S100A2: variants seen among roughly 807,000 people sequenced by gnomAD.
The protein encoded by S100A2 is protein S100-A2.
A neutral mutation model predicts 4.3 loss-of-function variants in S100A2; 5 were observed. The observed-to-expected ratio is 1.16, with a 90% CI of 0.61 to 2.44. The LOEUF is 2.44. S100A2 is among the 30% of genes most tolerant of loss of function. The probability of loss-of-function intolerance (pLI) is 0.01; values close to 1 mark genes in which losing one functional copy is unlikely to be tolerated. For synonymous variants in S100A2, 44 were observed against 46.0 expected (o/e 0.96, Z 0.17); for missense variants, 103 against 114.7 (o/e 0.90, Z 0.47).
At chr1:153,564,753 C>T (rs1417993260) in intron 1 of S100A2, among the ~76,000 whole-genome samples, 1 of 145,164 alleles carries the variant, frequency 6.9e-6, no homozygotes, top group Non-Finnish European at 1.5e-5. Flanking sequence ...CTGCCTTCAC[C>T]GAGGCAGGGG....
At chr1:153,564,459 G>A (rs1268156967) in intron 1 of S100A2, among the ~76,000 whole-genome samples, 1 of 152,200 alleles carries the variant, frequency 6.6e-6, no homozygotes, top group Admixed American at 6.5e-5. Flanking sequence ...CCCAGAGGGT[G>A]GGGAATGTGT....
chr1:153,564,835 G>C (rs1011353855), intron 1 of S100A2, among the ~76,000 whole-genome samples: 1 of 111,408 alleles, frequency 9.0e-6, no homozygotes. Flanking sequence ...CCTTAGTCCT[G>C]CTAGAATCCA....
chr1:153,561,363 T>C lies in S100A2; in HGVS notation c.*76A>G. The C allele has an allele frequency of 6.6e-7, 1 of 1,513,640 alleles. No homozygotes were observed. Among genetic ancestry groups the C allele is most frequent in the Non-Finnish European group, 8.9e-7 (1 of 1,117,478 alleles). 93.8% of individuals were successfully genotyped at this position (1,513,640 alleles called of 1,614,324 possible). ...AATATTATCAACAGACAAAAAAAGT[T>C]TATTGAATACAAAACTCAAAGGCAT... is the stretch of plus-strand genomic sequence containing the variant. On this transcript the variant is annotated 3_prime_UTR_variant, in exon 3 of 3. Coordinates refer to ENST00000368708, the MANE Select transcript of S100A2 (RefSeq NM_005978.4).
chr1:153,561,264 A>G lies in S100A2; in HGVS notation c.*175T>C. 1.5e-6 allele frequency: 1 copy of G among 670,916 alleles called. No homozygotes were observed. Among genetic ancestry groups the G allele is most frequent in the Middle Eastern group, 4.2e-4 (1 of 2,358 alleles). The allele number at this position is 670,916 out of a possible 1,614,324, so 41.6% of individuals were successfully genotyped here. A position where few individuals can be genotyped will look rare whatever the true frequency, so the allele number is the denominator to read the frequency against. Reference sequence around the variant, plus strand: ...GGAGAGTCAGAGCCCAGAAGGGAGCAGGATCCAGGAGGCCCTCATCTCCCA... The same window carrying G: ...GGAGAGTCAGAGCCCAGAAGGGAGCGGGATCCAGGAGGCCCTCATCTCCCA... On this transcript the variant is annotated 3_prime_UTR_variant, in exon 3 of 3. Coordinates refer to ENST00000368708, the MANE Select transcript of S100A2 (RefSeq NM_005978.4).
Position 153,561,327 on chromosome 1 carries a change from T to G in S100A2, c.*112A>C. 3 of 1,337,450 alleles carry G rather than the reference T, an allele frequency of 2.2e-6. No individual in the cohort carries two copies. The highest frequency in any genetic ancestry group is 1.0e-6 in the Non-Finnish European group (1 of 966,420). The allele number at this position is 1,337,450 out of a possible 1,614,324, so 82.8% of individuals were successfully genotyped here. A position where few individuals can be genotyped will look rare whatever the true frequency, so the allele number is the denominator to read the frequency against. Reference sequence around the variant, plus strand: ...AGCCAGCCGGGTTATGGAACATCACTGAGCAATTAAAATATTATCAACAGA... The same window carrying G: ...AGCCAGCCGGGTTATGGAACATCACGGAGCAATTAAAATATTATCAACAGA... On this transcript the variant is annotated 3_prime_UTR_variant, in exon 3 of 3. Transcript: ENST00000368708.
At chr1:153,564,614 TGG>T (rs2101706973) in intron 1 of S100A2, among the ~76,000 whole-genome samples, 1 of 151,960 alleles carries the variant, frequency 6.6e-6, no homozygotes, top group East Asian at 1.9e-4. Flanking sequence ...GGGATCAGGA[TGG>T]GACAGACCTC....
At chr1:153,564,630 G>C (rs745918884) in intron 1 of S100A2, among the ~76,000 whole-genome samples, 21 of 152,026 alleles carry the variant, frequency 1.4e-4, no homozygotes, top group Non-Finnish European at 2.6e-4. Context: ...AGACCTCAGC[G>C]GCAAGGCCTC....
chr1:153,561,660 C>T, intron 2 of S100A2, 69 bp from the exon 3 acceptor site: 1 of 1,609,300 alleles, frequency 6.2e-7, no homozygotes, highest in Non-Finnish European at 8.5e-7. Context: ...ACACCCAGAC[C>T]CTCACACATT....
In S100A2 at chr1:153,565,311, CAAAAAAAAAAAAA is replaced by C. The variant is rs57778287; in HGVS notation, c.-11+182_-11+194del. 2.6e-4 allele frequency among the ~76,000 whole-genome samples: 12 copies of C among 46,762 alleles called. No individual in the cohort carries two copies. In the East Asian group the frequency reaches 7.8e-3, roughly 30 times the overall value. The allele number at this position is 46,762 out of a possible 152,430, so 30.7% of individuals were successfully genotyped here. A position where few individuals can be genotyped will look rare whatever the true frequency, so the allele number is the denominator to read the frequency against. On this transcript the variant is annotated intron_variant, in intron 1 of 2. Coordinates refer to ENST00000368708, the MANE Select transcript of S100A2 (RefSeq NM_005978.4). ...TGGGCGACAGAGCGAGACTCCATCTCAAAAAAAAAAAAAAAAAAAAAAAACCCTTCAGTCAACA... is the reference window on the plus strand; with the variant it reads ...TGGGCGACAGAGCGAGACTCCATCTCAAAAAAAAAAACCCTTCAGTCAACA...
chr1:153,564,854 C>CAACAAAAAAAA (rs1665972778), intron 1 of S100A2, among the ~76,000 whole-genome samples: 1 of 54,798 alleles, frequency 1.8e-5, no homozygotes, highest in Admixed American at 2.9e-4. Context: ...CAGGACTTTG[C>CAACAAAAAAAA]AAAAAAAAAA....
intron 2 of S100A2, 121 bp from the exon 3 acceptor site, chr1:153,561,712 T>C: frequency 7.0e-7 from 1 of 1,426,978 alleles, no homozygotes; most frequent in South Asian, 1.2e-5. Context: ...GGCAGCTGGG[T>C]ATAAGGTGGG....
Position 153,563,936 on chromosome 1 carries a change from TAGCTC to T in S100A2, c.-10-54_-10-50del, listed in dbSNP as rs1411983702. 1.0e-5 allele frequency: 16 copies of T among 1,569,870 alleles called. No individual in the cohort carries two copies. In the African/African-American group the frequency reaches 1.9e-4, roughly 19 times the overall value. On this transcript the variant is annotated intron_variant, in intron 1 of 2. Coordinates refer to ENST00000368708, the MANE Select transcript of S100A2 (RefSeq NM_005978.4). ...TACACTGCTGAGGCTCTTGGGGCCT[TAGCTC>T]AGCCTGTAGGATCCACTTCTGCCCT...
rs1341108599 is a variant in S100A2 at position 153,561,510 on chromosome 1, A to G, written c.226T>C (p.Tyr76His). 1 of 1,613,744 alleles carries G rather than the reference A, an allele frequency of 6.2e-7. No homozygotes were observed. The highest frequency in any genetic ancestry group is 1.3e-5 in the African/African-American group (1 of 74,804). The change falls in exon 3 of 3, where the codon TAT becomes CAT. Residue 76 changes from tyrosine to histidine, a missense_variant. Coordinates refer to ENST00000368708, the MANE Select transcript of S100A2 (RefSeq NM_005978.4). ...GTGATGAGTGCCAGGAAAACAGCATACTCCTGGAAGTCCACCTGCTGGTCA... is the reference window on the plus strand; with the variant it reads ...GTGATGAGTGCCAGGAAAACAGCATGCTCCTGGAAGTCCACCTGCTGGTCA... Reference protein sequence around the residue: ...NSDQQVDFQEYAVFLALITVM... With the variant: ...NSDQQVDFQEHAVFLALITVM...
At chr1:153,563,323 G>T (rs1233557245) in intron 2 of S100A2, 1 of 1,332,904 alleles carries the variant, frequency 7.5e-7, no homozygotes, top group Non-Finnish European at 1.0e-6. Flanking sequence ...AGTGAGCCGA[G>T]ATCGTGCCAT....
intron 2 of S100A2, 24 bp from the exon 3 acceptor site, chr1:153,561,615 C>T (rs896784137): frequency 6.8e-6 from 11 of 1,613,794 alleles, no homozygotes; most frequent in Non-Finnish European, 9.3e-6. Context: ...GAAATACACT[C>T]ATCACCAAGC....
Position 153,561,476 on chromosome 1 carries a change from C to A in S100A2, c.260G>T (p.Cys87Phe), listed in dbSNP as rs1665893223. 1 of 1,614,064 alleles carries A rather than the reference C, an allele frequency of 6.2e-7. No individual in the cohort carries two copies. The highest frequency in any genetic ancestry group is 1.7e-5 in the Admixed American group (1 of 60,004). ...TGGGCAGCCCTGGAAGAAGTCATTG[C>A]ACATGACAGTGATGAGTGCCAGGAA... ...AVFLALITVM[C>F]NDFFQGCPDR... The change falls in exon 3 of 3, where the codon TGC becomes TTC. Residue 87 changes from cysteine (C) to phenylalanine (F), a missense_variant. Transcript: ENST00000368708.
intron 2 of S100A2, 99 bp from the exon 3 acceptor site, chr1:153,561,690 C>T: frequency 6.4e-7 from 1 of 1,557,548 alleles, no homozygotes; most frequent in Admixed American, 1.7e-5. Flanking sequence ...TCCCAGCTCT[C>T]CCTCCCCACT....
rs1665895452 is a variant in S100A2 at position 153,561,559 on chromosome 1, CA to C, written c.176del (p.Leu59ArgfsTer66). 6.2e-7 allele frequency: 1 copy of C among 1,614,056 alleles called. No homozygotes were observed. Among genetic ancestry groups the C allele is most frequent in the African/African-American group, 1.3e-5 (1 of 74,910 alleles). ...CACTGTTCTCATCCAGGCTGCCCAT[CA>C]GCTTCTTCAGCCCCTCCTCATCCAC... The part of the protein sequence containing the change: ...EKVDEEGLKK[L>X]MGSLDENSDQ... On this transcript the variant is annotated frameshift_variant, in exon 3 of 3. Transcript: ENST00000368708. LOFTEE classifies it low-confidence loss of function (END_TRUNC).
At chr1:153,565,402 G>A (rs545142148) in intron 1 of S100A2, 104 bp downstream of exon 1, 1 of 152,690 alleles carries the variant, frequency 6.5e-6, no homozygotes, top group Non-Finnish European at 1.5e-5. Flanking sequence ...GAGAGGCCCA[G>A]GTTGATCCCA....
Sources: allele counts gnomAD v4.1 joint callset (sites outside exome capture counted in the v4.1 genomes callset), GRCh38; gene constraint gnomAD v4.1.1; transcripts MANE v1.5; gene names NCBI Gene and HGNC (gene_info 2026-07-23, HGNC 2026-07-21).